The following LINGO2 variants were observed in gnomAD, a reference collection of about 807,000 sequenced individuals.
LINGO2 encodes the protein leucine-rich repeat and immunoglobulin-like domain-containing nogo receptor-interacting protein 2.
LINGO2 carries 14 observed loss-of-function variants against 30.6 expected under a neutral mutation model. The observed-to-expected ratio is 0.46, with a 90% confidence interval of 0.30 to 0.72. The LOEUF (loss-of-function observed/expected upper bound fraction) is 0.72. Among genes scored for constraint, LINGO2 ranks in the 30% least tolerant of loss-of-function variants. LINGO2 has a pLI of 0.07. For missense variants in LINGO2, 729 were observed against 751.7 expected (o/e 0.97, Z 0.35); for synonymous variants, 317 against 288.5 (o/e 1.10, Z -1.00).
chr9:28,422,023 A>C (rs1298269368), intron 2 of LINGO2, among the ~76,000 whole-genome samples: 1 of 152,128 alleles, frequency 6.6e-6, no homozygotes, highest in Non-Finnish European at 1.5e-5. Flanking sequence ...AATGGATCAA[A>C]GACCTAAACA....
the LINGO2 span, among the ~76,000 whole-genome samples, chr9:28,990,838 C>A: frequency 6.6e-6 from 1 of 152,130 alleles, no homozygotes; most frequent in Non-Finnish European, 1.5e-5. Context: ...AGGACATCCA[C>A]ACCAAAAACC....
intron 4 of LINGO2, among the ~76,000 whole-genome samples, chr9:28,208,581 T>C (rs946239964): frequency 2.6e-5 from 4 of 151,988 alleles, no homozygotes; most frequent in African/African-American, 9.7e-5. Flanking sequence ...TGCCTCCCCT[T>C]TCTTTCACTG....
intron 1 of LINGO2, among the ~76,000 whole-genome samples, chr9:28,632,060 A>C (rs576134535): frequency 6.6e-6 from 1 of 152,148 alleles, no homozygotes; most frequent in African/African-American, 2.4e-5. Context: ...GGAGTGCAGA[A>C]AATGGCTATC....
the LINGO2 span, among the ~76,000 whole-genome samples, chr9:28,821,474 G>C: frequency 6.6e-6 from 1 of 152,202 alleles, no homozygotes; most frequent in East Asian, 1.9e-4. Flanking sequence ...TATTCATACA[G>C]ATCACGGAAA....
In LINGO2 at chr9:28,147,010, A is replaced by C. The variant is rs1827833220; in HGVS notation, c.-86-134605T>G. On this transcript the variant is annotated intron_variant, in intron 4 of 5. Transcript: ENST00000379992. This position sits in a 1 kb window ranked among gnomAD's most constrained non-coding sequence, Gnocchi z 4.7. The stretch of plus-strand genomic sequence containing the variant: ...AGACAAGAAAGAACATCTGGGGTGA[A>C]AGACTCCATTAGAAGAGCAATGTGG... Among the ~76,000 whole-genome samples, 1 of 152,196 alleles carries C rather than the reference A, an allele frequency of 6.6e-6. No homozygotes were observed.
At chr9:28,335,769 A>G (rs552522286) in intron 3 of LINGO2, among the ~76,000 whole-genome samples, 1 of 152,200 alleles carries the variant, frequency 6.6e-6, no homozygotes, top group African/African-American at 2.4e-5. Context: ...TCAAATTTTA[A>G]AAATATGAAT....
At chr9:28,226,380 C>A (rs1444398764) in intron 4 of LINGO2, among the ~76,000 whole-genome samples, 1 of 152,004 alleles carries the variant, frequency 6.6e-6, no homozygotes. Context: ...GTAGAAATGT[C>A]TTCCCAGTCT....
At chr9:28,412,544 G>T (rs1445384553) in intron 2 of LINGO2, among the ~76,000 whole-genome samples, 2 of 151,968 alleles carry the variant, frequency 1.3e-5, no homozygotes, top group Non-Finnish European at 2.9e-5. Context: ...TCCCAAATCT[G>T]ATAGAACTAG....
chr9:28,407,761 T>C (rs1218836675), intron 2 of LINGO2, among the ~76,000 whole-genome samples: 1 of 152,152 alleles, frequency 6.6e-6, no homozygotes, highest in African/African-American at 2.4e-5. Context: ...AACCTTTTCC[T>C]TACATTATAT....
chr9:29,203,924 T>G, the LINGO2 span, among the ~76,000 whole-genome samples: 2 of 152,146 alleles, frequency 1.3e-5, no homozygotes, highest in Non-Finnish European at 2.9e-5. Context: ...TTTACTTTTG[T>G]AACCAAAGAA....
the LINGO2 span, among the ~76,000 whole-genome samples, chr9:28,732,606 A>G: frequency 3.3e-5 from 5 of 152,202 alleles, no homozygotes; most frequent in Admixed American, 3.3e-4. Flanking sequence ...TGAAAAAGAA[A>G]CAAAAGAACA....
At chr9:28,473,683 T>C (rs1825619302) in intron 2 of LINGO2, among the ~76,000 whole-genome samples, 1 of 152,120 alleles carries the variant, frequency 6.6e-6, no homozygotes, top group South Asian at 2.1e-4. Context: ...AAATCTTGGA[T>C]CTTTGAGTCA....
At chr9:28,246,030 A>C (rs1488678166) in intron 4 of LINGO2, among the ~76,000 whole-genome samples, 1 of 152,214 alleles carries the variant, frequency 6.6e-6, no homozygotes, top group Non-Finnish European at 1.5e-5. Flanking sequence ...GCATCATGCT[A>C]CCTGACTTCA....
At chr9:28,896,623 T>C in the LINGO2 span, among the ~76,000 whole-genome samples, 2 of 152,108 alleles carry the variant, frequency 1.3e-5, no homozygotes, top group African/African-American at 4.8e-5. Flanking sequence ...AAAAAATGTA[T>C]ATAAAACCTT....
chr9:28,955,129 T>C, the LINGO2 span, among the ~76,000 whole-genome samples: 1 of 151,216 alleles, frequency 6.6e-6, no homozygotes, highest in Non-Finnish European at 1.5e-5. Context: ...AGGAGGAAAG[T>C]GTGAAAGGAG....
intron 4 of LINGO2, among the ~76,000 whole-genome samples, chr9:28,109,677 A>G (rs369120197): frequency 6.6e-6 from 1 of 152,178 alleles, no homozygotes; most frequent in African/African-American, 2.4e-5. Flanking sequence ...ACATAGGAAT[A>G]CAACTGACAA....
chr9:28,006,393 T>C (rs1822269409), intron 5 of LINGO2, among the ~76,000 whole-genome samples: 1 of 152,058 alleles, frequency 6.6e-6, no homozygotes, highest in African/African-American at 2.4e-5. Flanking sequence ...ATAGTGGAGA[T>C]TGCCTTTACA....
intron 1 of LINGO2, among the ~76,000 whole-genome samples, chr9:28,554,094 C>T (rs1194300615): frequency 2.6e-5 from 4 of 151,882 alleles, no homozygotes; most frequent in South Asian, 2.1e-4. Context: ...CATCAACTAA[C>T]GAGCAAAATC....
the LINGO2 span, among the ~76,000 whole-genome samples, chr9:28,990,510 C>G: frequency 1.1e-4 from 17 of 152,194 alleles, no homozygotes; most frequent in Admixed American, 3.9e-4. Context: ...CAGTGGTTCT[C>G]CCAGCATGCA....
Sources: gnomAD v4.1 joint callset for allele counts (sites outside exome capture counted in the v4.1 genomes callset) on GRCh38, gnomAD v4.1.1 for gene constraint, Gnocchi (gnomAD v3.1) non-coding constraint, MANE v1.5 for transcripts, NCBI Gene and HGNC (gene_info 2026-07-23, HGNC 2026-07-21) for gene names.